The following RBMS3 variants were observed in gnomAD, a reference collection of about 807,000 sequenced individuals.
RBMS3 encodes RNA-binding motif, single-stranded-interacting protein 3.
A neutral mutation model predicts 66.8 loss-of-function variants in RBMS3; 27 were observed. That is an observed-to-expected ratio of 0.40 (90% CI 0.30 to 0.56). RBMS3 has a LOEUF of 0.56. Among genes scored for constraint, RBMS3 ranks in the 20% least tolerant of loss-of-function variants. The pLI is 0.40. For missense variants in RBMS3, 513 were observed against 549.5 expected (o/e 0.93, Z 0.66); for synonymous variants, 188 against 183.0 (o/e 1.03, Z -0.22).
chr3:29,295,255 A>C (rs2033144507), intron 1 of RBMS3, among the ~76,000 whole-genome samples: 1 of 144,438 alleles, frequency 6.9e-6, no homozygotes, highest in African/African-American at 2.5e-5. Context: ...TGAGGTCCTT[A>C]TTCCCAATTG....
chr3:29,544,398 TAGG>T (rs1045964096), intron 3 of RBMS3, among the ~76,000 whole-genome samples: 159 of 152,220 alleles, frequency 1.0e-3, no homozygotes, highest in African/African-American at 3.3e-3. Flanking sequence ...TGTTTTTTTT[TAGG>T]AGATGTCAAC....
rs547444573 is a variant in RBMS3, at chr3:29,811,178, G to C, written c.637+48189G>C. Among the ~76,000 whole-genome samples the C allele has an allele frequency of 5.9e-5, 9 of 152,246 alleles. No homozygotes were observed. The East Asian group carries it at 1.7e-3, about 29-fold the overall frequency. ...AGGGCATTTTTTTCTCTCTCAGGTGGTGTAATCTTCAGGTAATCGCTGAAG... is the reference window on the plus strand; with the variant it reads ...AGGGCATTTTTTTCTCTCTCAGGTGCTGTAATCTTCAGGTAATCGCTGAAG... On this transcript the variant is annotated intron_variant, in intron 6 of 14. Transcript: ENST00000383767.
At chr3:29,938,938 A>C (rs2061330707) in intron 11 of RBMS3, among the ~76,000 whole-genome samples, 1 of 151,998 alleles carries the variant, frequency 6.6e-6, no homozygotes, top group African/African-American at 2.4e-5. Context: ...AATATGCAGC[A>C]TATCTTATAC....
intron 14 of RBMS3, among the ~76,000 whole-genome samples, chr3:30,000,940 G>A (rs1468319402): frequency 6.6e-6 from 1 of 151,930 alleles, no homozygotes; most frequent in African/African-American, 2.4e-5. Flanking sequence ...TAATGTAGTT[G>A]ATGGGTTGAT....
intron 10 of RBMS3, among the ~76,000 whole-genome samples, chr3:29,923,426 C>G (rs2060846112): frequency 6.6e-6 from 1 of 152,110 alleles, no homozygotes; most frequent in Admixed American, 6.6e-5. Context: ...GGTTCTGTCT[C>G]TATAATAGGA....
At chr3:29,289,562 A>G (rs1435703137) in intron 1 of RBMS3, among the ~76,000 whole-genome samples, 1 of 151,914 alleles carries the variant, frequency 6.6e-6, no homozygotes, top group African/African-American at 2.4e-5. Flanking sequence ...ATATAGACAT[A>G]TAAAAAGGCT....
chr3:29,340,374 A>G (rs766019343), intron 1 of RBMS3, among the ~76,000 whole-genome samples: 11 of 152,068 alleles, frequency 7.2e-5, no homozygotes, highest in Admixed American at 1.3e-4. Flanking sequence ...GCCAATGGAC[A>G]CCGCCATTGG....
chr3:29,582,401 A>G (rs2047363720), intron 3 of RBMS3, among the ~76,000 whole-genome samples: 1 of 152,236 alleles, frequency 6.6e-6, no homozygotes, highest in East Asian at 1.9e-4. Flanking sequence ...CGCTAATTGC[A>G]GAACTGCTGG....
intron 3 of RBMS3, among the ~76,000 whole-genome samples, chr3:29,507,176 A>G (rs2044213675): frequency 6.6e-6 from 1 of 151,212 alleles, no homozygotes; most frequent in East Asian, 1.9e-4. Flanking sequence ...ATATCTCTTT[A>G]CTATCAGCTG....
intron 1 of RBMS3, among the ~76,000 whole-genome samples, chr3:29,425,357 G>A (rs761188532): frequency 1.3e-5 from 2 of 151,968 alleles, no homozygotes; most frequent in African/African-American, 2.4e-5. Flanking sequence ...CTGGGCGACA[G>A]AGTGAGATTC....
intron 4 of RBMS3, among the ~76,000 whole-genome samples, chr3:29,730,395 G>C (rs2054080501): frequency 6.6e-6 from 1 of 152,096 alleles, no homozygotes; most frequent in South Asian, 2.1e-4. Flanking sequence ...CATTTCAATG[G>C]TATGTTTTTG....
chr3:29,755,282 G>C (rs976054931), intron 5 of RBMS3, among the ~76,000 whole-genome samples: 1 of 152,158 alleles, frequency 6.6e-6, no homozygotes, highest in South Asian at 2.1e-4. Context: ...CCCTACTGGG[G>C]ATAATCAGGT....
intron 1 of RBMS3, among the ~76,000 whole-genome samples, chr3:29,355,017 G>T (rs2125566331): frequency 6.6e-6 from 1 of 152,282 alleles, no homozygotes; most frequent in Non-Finnish European, 1.5e-5. Context: ...CAATTAAACA[G>T]CTAGAAAGTG....
At chr3:29,384,321 A>G (rs2038903338) in intron 1 of RBMS3, among the ~76,000 whole-genome samples, 1 of 152,050 alleles carries the variant, frequency 6.6e-6, no homozygotes, top group Admixed American at 6.6e-5. Flanking sequence ...GTCTCAGGAA[A>G]AAACAAACAA....
chr3:29,574,806 C>T (rs902562434), intron 3 of RBMS3, among the ~76,000 whole-genome samples: 1 of 150,078 alleles, frequency 6.7e-6, no homozygotes, highest in Admixed American at 6.7e-5. Context: ...CAGATGAAAA[C>T]TTAACACTGA....
intron 1 of RBMS3, among the ~76,000 whole-genome samples, chr3:29,427,575 G>C (rs1249336251): frequency 6.6e-6 from 1 of 152,182 alleles, no homozygotes; most frequent in Admixed American, 6.5e-5. Context: ...ACATGTGTAC[G>C]TGCAAGCTAA....
intron 6 of RBMS3, among the ~76,000 whole-genome samples, chr3:29,801,005 G>GCACA (rs3070792): frequency 0.023 from 3,385 of 148,824 alleles, 48 homozygotes; most frequent in Non-Finnish European, 0.033. Flanking sequence ...ACACACGCAT[G>GCACA]CACACACACA....
At chr3:29,429,956 TA>T (rs200602247) in intron 1 of RBMS3, among the ~76,000 whole-genome samples, 1 of 151,642 alleles carries the variant, frequency 6.6e-6, no homozygotes, top group Non-Finnish European at 1.5e-5. Context: ...TTTATTTATT[TA>T]TTTATTTTTT....
At chr3:29,422,163 C>T (rs114094703) in intron 1 of RBMS3, among the ~76,000 whole-genome samples, 10 of 152,074 alleles carry the variant, frequency 6.6e-5, no homozygotes, top group South Asian at 2.1e-4. Flanking sequence ...TTTGAGCCTG[C>T]GTTGTGTGTC....
Sources: allele counts gnomAD v4.1 joint callset (sites outside exome capture counted in the v4.1 genomes callset), GRCh38; gene constraint gnomAD v4.1.1; transcripts MANE v1.5; gene names NCBI Gene and HGNC (gene_info 2026-07-23, HGNC 2026-07-21).